The following PLXNA4 variants were observed in gnomAD, a reference collection of about 807,000 sequenced individuals.
PLXNA4 encodes the protein plexin-A4.
In PLXNA4, 44 loss-of-function variants were observed where a neutral mutation model predicts 191.8. The ratio of observed to expected loss-of-function variants is 0.23; its 90% CI spans 0.18 to 0.29. The LOEUF is 0.29. Among genes scored for constraint, PLXNA4 ranks in the 10% least tolerant of loss-of-function variants. PLXNA4 has a pLI of 1.00. For missense variants in PLXNA4, 1,800 were observed against 2,488.8 expected, an observed-to-expected ratio of 0.72 and a Z score of 5.89; for synonymous variants, 1,082 against 1,009.5, an observed-to-expected ratio of 1.07 and a Z score of -1.36.
intron 3 of PLXNA4, among the ~76,000 whole-genome samples, chr7:132,336,135 T>C (rs1037414443): frequency 2.6e-5 from 4 of 152,234 alleles, no homozygotes; most frequent in Non-Finnish European, 5.9e-5. Context: ...AGGAAAGCCA[T>C]GTTCTTATGG....
chr7:132,448,286 G>A (rs1211376426), intron 3 of PLXNA4, among the ~76,000 whole-genome samples: 2 of 152,188 alleles, frequency 1.3e-5, no homozygotes, highest in African/African-American at 4.8e-5. Flanking sequence ...AACTCACAGA[G>A]GTACACTAGA....
chr7:132,447,201 G>A (rs1204293375), intron 3 of PLXNA4, among the ~76,000 whole-genome samples: 4 of 152,148 alleles, frequency 2.6e-5, no homozygotes. Context: ...GAATGGAATA[G>A]CGCATCACCT....
chr7:132,200,542 G>T (rs1797398641), intron 12 of PLXNA4, among the ~76,000 whole-genome samples: 1 of 152,212 alleles, frequency 6.6e-6, no homozygotes, highest in East Asian at 1.9e-4. Context: ...GACTGAAGTG[G>T]GGACTGAGAG....
At chr7:132,613,532 C>T (rs939162161) in intron 2 of PLXNA4, among the ~76,000 whole-genome samples, 3 of 152,196 alleles carry the variant, frequency 2.0e-5, no homozygotes, top group Non-Finnish European at 2.9e-5. Context: ...CAGGAAAGTG[C>T]CATTAAGTAT....
Position 132,228,433 on chromosome 7 carries a change from C to T in PLXNA4, c.1641G>A (p.Glu547=), listed in dbSNP as rs762976412. Residue 547 remains glutamate (E), a synonymous_variant, in exon 6 of 32, where the codon GAG becomes GAA. Transcript: ENST00000321063. ...TRKERCERSK[E]PRRFASEMKQ... ...TCATCTCCGAGGCAAACCTGCGGGG[C>T]TCCTTGGACCGCTCACACCGCTCCT... is the stretch of plus-strand genomic sequence containing the variant. The T allele has an allele frequency of 1.9e-5, 30 of 1,614,046 alleles. 1 individual carries two copies. The South Asian group carries it at 2.7e-4, about 15-fold the overall frequency.
At chr7:132,493,644 C>T (rs554999973) in intron 2 of PLXNA4, among the ~76,000 whole-genome samples, 2 of 152,076 alleles carry the variant, frequency 1.3e-5, no homozygotes, top group Admixed American at 6.5e-5. Context: ...GTACCCCTAG[C>T]TTAGTGCCTG....
chr7:132,402,575 T>C (rs1331695188), intron 3 of PLXNA4, among the ~76,000 whole-genome samples: 1 of 152,160 alleles, frequency 6.6e-6, no homozygotes, highest in African/African-American at 2.4e-5. Context: ...CTAATCATCT[T>C]ATTGCAGGAA....
At chr7:132,336,395 A>G (rs930153785) in intron 3 of PLXNA4, among the ~76,000 whole-genome samples, 13 of 152,212 alleles carry the variant, frequency 8.5e-5, no homozygotes, top group African/African-American at 3.1e-4. Flanking sequence ...AAGTTTTCAC[A>G]TTGTATATCC....
At chr7:132,293,765 A>C (rs1298957031) in intron 4 of PLXNA4, among the ~76,000 whole-genome samples, 1 of 152,236 alleles carries the variant, frequency 6.6e-6, no homozygotes, top group African/African-American at 2.4e-5. Context: ...CTCCTGGATT[A>C]TCATCCAGAT....
intron 3 of PLXNA4, among the ~76,000 whole-genome samples, chr7:132,388,998 A>G (rs1207989256): frequency 6.6e-6 from 1 of 152,214 alleles, no homozygotes; most frequent in East Asian, 1.9e-4. Flanking sequence ...TCTCAAAAGA[A>G]AAGGGCCCCA....
intron 3 of PLXNA4, among the ~76,000 whole-genome samples, chr7:132,425,332 T>G (rs189232237): frequency 6.6e-6 from 1 of 152,278 alleles, no homozygotes; most frequent in Admixed American, 6.5e-5. Context: ...TGGCCACAGC[T>G]TGGAGACACT....
intron 1 of PLXNA4, among the ~76,000 whole-genome samples, chr7:132,548,040 C>T (rs1451838530): frequency 6.6e-6 from 1 of 152,136 alleles, no homozygotes; most frequent in Non-Finnish European, 1.5e-5. Context: ...AACACCCAGC[C>T]ACACAGAGCC....
intron 11 of PLXNA4, among the ~76,000 whole-genome samples, chr7:132,203,075 A>G (rs1348666163): frequency 6.6e-6 from 1 of 152,184 alleles, no homozygotes; most frequent in African/African-American, 2.4e-5. Context: ...AGCCCTTCCC[A>G]GGAAGTCCTC....
intron 2 of PLXNA4, among the ~76,000 whole-genome samples, chr7:132,629,482 C>T (rs927215535): frequency 6.6e-6 from 1 of 152,192 alleles, no homozygotes; most frequent in Non-Finnish European, 1.5e-5. Context: ...TCTCCTGAAC[C>T]ATTACCTCTG....
At chr7:132,171,521 G>A (rs966697462) in intron 21 of PLXNA4, among the ~76,000 whole-genome samples, 4 of 152,196 alleles carry the variant, frequency 2.6e-5, no homozygotes, top group Admixed American at 6.5e-5. Flanking sequence ...GGCTAAGGGA[G>A]GGCAGTCACC....
intron 1 of PLXNA4, among the ~76,000 whole-genome samples, chr7:132,537,918 C>T (rs1799917280): frequency 6.6e-6 from 1 of 152,236 alleles, no homozygotes; most frequent in African/African-American, 2.4e-5. Context: ...GGACACACAG[C>T]CTGGGATCAT....
chr7:132,558,994 A>G (rs1380541566), intron 1 of PLXNA4, among the ~76,000 whole-genome samples: 1 of 152,148 alleles, frequency 6.6e-6, no homozygotes, highest in Non-Finnish European at 1.5e-5. Flanking sequence ...AGGGGATGTA[A>G]CAAGGACACC....
intron 24 of PLXNA4, among the ~76,000 whole-genome samples, chr7:132,161,245 G>A (rs974124344): frequency 5.3e-5 from 8 of 152,236 alleles, no homozygotes; most frequent in African/African-American, 9.6e-5. Flanking sequence ...CCACCTAAAC[G>A]TAATCCCCTG....
intron 4 of PLXNA4, among the ~76,000 whole-genome samples, chr7:132,255,461 TC>T (rs2116189537): frequency 1.3e-5 from 2 of 152,304 alleles, no homozygotes; most frequent in South Asian, 4.2e-4. Context: ...GGCCAACTCA[TC>T]TTTTGGGTTT....
Sources: gnomAD v4.1 joint callset for allele counts (sites outside exome capture counted in the v4.1 genomes callset) on GRCh38, gnomAD v4.1.1 for gene constraint, MANE v1.5 for transcripts, NCBI Gene and HGNC (gene_info 2026-07-23, HGNC 2026-07-21) for gene names.